Variants in DIP2C observed in about 807,000 individuals in gnomAD.
DIP2C encodes disco-interacting protein 2 homolog C.
A neutral mutation model predicts 192.4 loss-of-function variants in DIP2C; 33 were observed. The ratio of observed to expected loss-of-function variants is 0.17; its 90% CI spans 0.13 to 0.23. The LOEUF (loss-of-function observed/expected upper bound fraction) is 0.23. DIP2C is among the 10% of genes least tolerant of loss of function. DIP2C has a pLI of 1.00. For synonymous variants in DIP2C, 979 were observed against 864.1 expected, an observed-to-expected ratio of 1.13 and a Z score of -2.33; for missense variants, 1,537 against 2,110.1, an observed-to-expected ratio of 0.73 and a Z score of 5.32.
At chr10:430,356 T>TC (rs1564703183) in intron 4 of DIP2C, 4 of 152,116 alleles carry the variant, frequency 2.6e-5, no homozygotes, top group African/African-American at 4.8e-5. Flanking sequence ...AGTTCACCCC[T>TC]CCCAGGAGGT....
At chr10:391,021 G>A (rs1015662499) in intron 10 of DIP2C, among the ~76,000 whole-genome samples, 158 bp from the exon 11 acceptor site, 1 of 152,156 alleles carries the variant, frequency 6.6e-6, no homozygotes, top group Non-Finnish European at 1.5e-5. Context: ...CTGAACAGGT[G>A]AGACTGCATG....
rs17158753 is a variant in DIP2C, at chr10:277,094, G to A, written c.*231C>T. The A allele has an allele frequency of 2.4e-3, 1,176 of 480,168 alleles. 20 individuals are homozygous for A. The East Asian group carries it at 0.03, about 12-fold the overall frequency. 29.7% of individuals were successfully genotyped at this position (480,168 alleles called of 1,614,324 possible). ...TTGAAATGGGCTTTTCCAACAAACT[G>A]AAGGCAGTAATCCAAAGTCCTTCTG... On this transcript the variant is annotated 3_prime_UTR_variant, in exon 37 of 37. Coordinates refer to ENST00000280886, the MANE Select transcript of DIP2C (RefSeq NM_014974.3).
At chr10:290,723 AG>A (rs1375490760) in intron 32 of DIP2C, among the ~76,000 whole-genome samples, 1 of 152,200 alleles carries the variant, frequency 6.6e-6, no homozygotes, top group Non-Finnish European at 1.5e-5. Context: ...AAGAACTAGG[AG>A]GGGGTCAGAG....
chr10:633,434 G>A (rs974636558), intron 1 of DIP2C, among the ~76,000 whole-genome samples: 1 of 152,104 alleles, frequency 6.6e-6, no homozygotes, highest in East Asian at 1.9e-4. Context: ...GCTGCAGAGC[G>A]GACGCGGGGA....
chr10:440,729 A>C (rs1474526655), intron 4 of DIP2C, 142 bp downstream of exon 4: 16 of 1,236,776 alleles, frequency 1.3e-5, no homozygotes, highest in Non-Finnish European at 1.7e-5. Flanking sequence ...AACTCATACA[A>C]CACTGTTTTT....
chr10:420,612 G>C (rs1966118847), intron 5 of DIP2C, among the ~76,000 whole-genome samples: 1 of 152,216 alleles, frequency 6.6e-6, no homozygotes, highest in African/African-American at 2.4e-5. Flanking sequence ...ACAGCGGGTA[G>C]AGCAGTGGAA....
chr10:280,826 T>C (rs1371187281), intron 36 of DIP2C, among the ~76,000 whole-genome samples: 1 of 152,220 alleles, frequency 6.6e-6, no homozygotes, highest in Non-Finnish European at 1.5e-5. Context: ...ATGTCTCATG[T>C]TACTTCCAGT....
rs761909966 is a variant in DIP2C, at chr10:689,556, C to A, written c.23G>T (p.Gly8Val). 1.6e-6 allele frequency: 2 copies of A among 1,265,876 alleles called. No individual in the cohort carries two copies. Among genetic ancestry groups the A allele is most frequent in the East Asian group, 8.7e-5 (2 of 23,082 alleles). The allele number at this position is 1,265,876 out of a possible 1,614,324, so 78.4% of individuals were successfully genotyped here. A position where few individuals can be genotyped will look rare whatever the true frequency, so the allele number is the denominator to read the frequency against. Residue 8 changes from glycine (G) to valine (V), a missense_variant, in exon 1 of 37, where the codon GGC becomes GTC. Physicochemically the swap from Gly to Val is moderately radical, Grantham distance 109. This residue lies in a region of DIP2C where 473 missense variants were observed against 539.6 expected (regional missense o/e 0.88). Coordinates refer to ENST00000280886, the MANE Select transcript of DIP2C (RefSeq NM_014974.3). This position sits in a 1 kb window ranked among gnomAD's most constrained non-coding sequence, Gnocchi z 6.1. ...CCGCACCTCCAGGGGCAGCGCCATG[C>A]CCTCCAGGCTGCGGTCCGCCATGCT... MADRSLE[G>V]MALPLEVRAR...
chr10:586,961 A>C (rs1851078479), intron 1 of DIP2C, among the ~76,000 whole-genome samples: 1 of 151,802 alleles, frequency 6.6e-6, no homozygotes, highest in Non-Finnish European at 1.5e-5. Flanking sequence ...GCAGTGTCTA[A>C]GGCCAGACTA....
At chr10:643,680 G>A (rs549931036) in intron 1 of DIP2C, among the ~76,000 whole-genome samples, 1 of 152,314 alleles carries the variant, frequency 6.6e-6, no homozygotes, top group African/African-American at 2.4e-5. Context: ...CCTAACCCTC[G>A]TTATGTCCAT....
At chr10:365,556 A>T (rs1354060918) in intron 19 of DIP2C, among the ~76,000 whole-genome samples, 2 of 152,232 alleles carry the variant, frequency 1.3e-5, no homozygotes, top group Non-Finnish European at 2.9e-5. Flanking sequence ...CAAAAGTTCT[A>T]AACATTTAGG....
intron 32 of DIP2C, among the ~76,000 whole-genome samples, chr10:288,724 C>A (rs1011638413): frequency 6.6e-6 from 1 of 152,218 alleles, no homozygotes; most frequent in African/African-American, 2.4e-5. Flanking sequence ...GAAAAGAACA[C>A]GGATTACAGA....
At chr10:319,222 C>G (rs1956902484) in intron 31 of DIP2C, among the ~76,000 whole-genome samples, 1 of 152,120 alleles carries the variant, frequency 6.6e-6, no homozygotes, top group African/African-American at 2.4e-5. Context: ...TCACTTCTTT[C>G]AACAATCCAT....
At chr10:663,098 T>C in intron 1 of DIP2C, 1 of 567,818 alleles carries the variant, frequency 1.8e-6, no homozygotes, top group East Asian at 2.9e-5. Flanking sequence ...GTGGGCAGCC[T>C]GGTCTGCAGA....
Position 440,137 on chromosome 10 carries a change from G to A in DIP2C, c.394+734C>T, listed in dbSNP as rs557037646. Among the ~76,000 whole-genome samples the A allele has an allele frequency of 7.2e-5, 11 of 152,278 alleles. No homozygotes were observed. The South Asian group carries it at 2.3e-3, about 32-fold the overall frequency. ...TGTAGTTTATAATTATTTGGGCAGA[G>A]AAAATAGAGAATTTGGGTAGTTATG... On this transcript the variant is annotated intron_variant, in intron 4 of 36. Transcript: ENST00000280886.
chr10:580,564 G>A (rs144429799), intron 1 of DIP2C, among the ~76,000 whole-genome samples: 137 of 152,120 alleles, frequency 9.0e-4, no homozygotes, highest in Non-Finnish European at 1.2e-3. Flanking sequence ...ATGCACACAT[G>A]TAGGACACAT....
chr10:497,600 G>A (rs190984777), intron 1 of DIP2C, among the ~76,000 whole-genome samples: 13 of 152,314 alleles, frequency 8.5e-5, no homozygotes, highest in South Asian at 2.1e-4. Context: ...CAAACCGTAC[G>A]TAGTGAGGAT....
At chr10:565,198 T>C (rs200419381) in intron 1 of DIP2C, among the ~76,000 whole-genome samples, 23 of 152,148 alleles carry the variant, frequency 1.5e-4, no homozygotes, top group Admixed American at 7.9e-4. Context: ...ATTCCATCAA[T>C]AGACTAAGCG....
chr10:552,077 A>G (rs1173257532), intron 1 of DIP2C, among the ~76,000 whole-genome samples: 1 of 152,168 alleles, frequency 6.6e-6, no homozygotes. Context: ...GGTGAGCCAG[A>G]CTCAGTCTGC....
Sources: allele counts gnomAD v4.1 joint callset (sites outside exome capture counted in the v4.1 genomes callset), GRCh38; gene constraint gnomAD v4.1.1; regional missense constraint gnomAD v4.1.1; non-coding constraint Gnocchi (gnomAD v3.1); transcripts MANE v1.5; gene names NCBI Gene and HGNC (gene_info 2026-07-23, HGNC 2026-07-21).